CDC73: variants seen among roughly 807,000 people sequenced by gnomAD.
CDC73 encodes cell division cycle 73, also known as parafibromin.
A neutral mutation model predicts 83.7 loss-of-function variants in CDC73; 21 were observed. The observed-to-expected ratio is 0.25, with a 90% CI of 0.18 to 0.36. The LOEUF (loss-of-function observed/expected upper bound fraction) is 0.36, where lower values mean the gene tolerates loss of function less well. Ranked by LOEUF, CDC73 falls within the 10% of genes least tolerant of loss-of-function variation. CDC73 has a pLI of 1.00. For missense variants in CDC73, 342 were observed against 653.3 expected (o/e 0.52, Z 5.19); for synonymous variants, 224 against 212.9 (o/e 1.05, Z -0.45).
At chr1:193,169,996 T>TATC (rs757093249) in intron 10 of CDC73, among the ~76,000 whole-genome samples, 17 of 152,160 alleles carry the variant, frequency 1.1e-4, no homozygotes, top group Non-Finnish European at 2.5e-4. Flanking sequence ...CCCCTCTATG[T>TATC]ATCTGTGTAT....
chr1:193,171,527 T>G (rs952368289), intron 10 of CDC73, among the ~76,000 whole-genome samples: 6 of 152,188 alleles, frequency 3.9e-5, no homozygotes, highest in Non-Finnish European at 8.8e-5. Flanking sequence ...GAGGGCTAGT[T>G]CAACCTTCAG....
intron 10 of CDC73, among the ~76,000 whole-genome samples, chr1:193,189,191 T>G (rs936629096): frequency 2.8e-4 from 43 of 152,268 alleles, no homozygotes; most frequent in African/African-American, 9.6e-4. Flanking sequence ...TGACCTCAGG[T>G]GATCCACCTG....
intron 10 of CDC73, 80 bp from the exon 11 acceptor site, chr1:193,203,715 T>G (rs925556288): frequency 3.6e-6 from 4 of 1,112,150 alleles, no homozygotes; most frequent in Admixed American, 1.7e-5. Flanking sequence ...CAGAGAGATA[T>G]GAGATTTCTT....
intron 10 of CDC73, among the ~76,000 whole-genome samples, chr1:193,177,872 C>T (rs1367118234): frequency 2.0e-5 from 3 of 152,090 alleles, no homozygotes; most frequent in Admixed American, 2.0e-4. Context: ...AATTTCACCA[C>T]TTATATACTT....
At chr1:193,238,618 T>C (rs897898329) in intron 15 of CDC73, among the ~76,000 whole-genome samples, 3 of 152,228 alleles carry the variant, frequency 2.0e-5, no homozygotes, top group African/African-American at 7.2e-5. Flanking sequence ...CATATAACTT[T>C]TGACTTATCC....
intron 13 of CDC73, among the ~76,000 whole-genome samples, chr1:193,212,871 G>GAT (rs978006826): frequency 1.3e-5 from 2 of 152,102 alleles, no homozygotes; most frequent in African/African-American, 4.8e-5. Context: ...ATTTAACCTA[G>GAT]ATAGCAGTGA....
chr1:193,198,672 C>T (rs766001474), intron 10 of CDC73, among the ~76,000 whole-genome samples: 2 of 152,010 alleles, frequency 1.3e-5, no homozygotes, highest in Non-Finnish European at 2.9e-5. Flanking sequence ...AACAAGGGAA[C>T]ATTGGAATTA....
rs975368716 is a variant in CDC73, at chr1:193,207,529, C to G, written c.1030+3677C>G. On this transcript the variant is annotated intron_variant, in intron 11 of 16. Transcript: ENST00000367435. ...AGAGCAGCCCTTTATAGACCTCCCC[C>G]CAGAAATGCATTCCTTCCCCGGGGT... Among the ~76,000 whole-genome samples, 47 of 152,100 alleles carry G rather than the reference C, an allele frequency of 3.1e-4. 1 individual carries two copies. Among genetic ancestry groups the G allele is most frequent in the Admixed American group, 2.9e-3 (45 of 15,274 alleles).
chr1:193,186,585 G>A (rs915993572), intron 10 of CDC73: 10 of 152,242 alleles, frequency 6.6e-5, no homozygotes, highest in African/African-American at 2.2e-4. Flanking sequence ...TTCCTCAGCT[G>A]CTGCACAGGC....
chr1:193,232,780 G>A (rs2102057976), intron 13 of CDC73, among the ~76,000 whole-genome samples: 1 of 152,082 alleles, frequency 6.6e-6, no homozygotes, highest in African/African-American at 2.4e-5. Context: ...GCGGTCACCT[G>A]TAATCTCAGC....
At chr1:193,181,226 C>T (rs984362063) in intron 10 of CDC73, 2 of 1,613,908 alleles carry the variant, frequency 1.2e-6, no homozygotes, top group Non-Finnish European at 1.7e-6. Flanking sequence ...AGTGTATTCT[C>T]CAGGCCTGTA....
chr1:193,170,040 C>T (rs1250060904), intron 10 of CDC73, among the ~76,000 whole-genome samples: 1 of 152,090 alleles, frequency 6.6e-6, no homozygotes, highest in Non-Finnish European at 1.5e-5. Context: ...TACGTGAGAA[C>T]ATGTGGTATT....
chr1:193,169,656 T>G (rs1676488584), intron 10 of CDC73, among the ~76,000 whole-genome samples: 1 of 152,244 alleles, frequency 6.6e-6, no homozygotes. Flanking sequence ...TGCAAGAATA[T>G]TAAATGAAAC....
At chr1:193,192,461 A>G (rs1331497957) in intron 10 of CDC73, among the ~76,000 whole-genome samples, 1 of 152,162 alleles carries the variant, frequency 6.6e-6, no homozygotes, top group African/African-American at 2.4e-5. Flanking sequence ...CAAAACAAGA[A>G]AGCAAGTGTT....
chr1:193,168,396 C>T (rs550796988), intron 10 of CDC73, among the ~76,000 whole-genome samples: 1 of 152,258 alleles, frequency 6.6e-6, no homozygotes, highest in South Asian at 2.1e-4. Context: ...TTTAGTGTTA[C>T]ATGCTTTTTG....
intron 13 of CDC73, among the ~76,000 whole-genome samples, chr1:193,232,476 C>A (rs535736695): frequency 9.9e-5 from 15 of 151,708 alleles, no homozygotes; most frequent in Non-Finnish European, 1.9e-4. Flanking sequence ...ACACACACAC[C>A]CAACTTAGGG....
rs189653401 is a variant in CDC73, at chr1:193,254,686, T to G, written c.*3974T>G. Among the ~76,000 whole-genome samples the G allele has an allele frequency of 6.6e-6, 1 of 152,286 alleles. No individual in the cohort carries two copies. The highest frequency in any genetic ancestry group is 2.4e-5 in the African/African-American group (1 of 41,578). On this transcript the variant is annotated 3_prime_UTR_variant, in exon 17 of 17. Coordinates refer to ENST00000367435, the MANE Select transcript of CDC73 (RefSeq NM_024529.5). ...TTTATGTGTTTTGGGTTTCTGTGTA[T>G]TATTTTAGGTAATCTTTATAAGGGC...
intron 8 of CDC73, among the ~76,000 whole-genome samples, chr1:193,148,862 G>A (rs1473519375): frequency 3.3e-5 from 5 of 151,294 alleles, no homozygotes; most frequent in Admixed American, 1.3e-4. Context: ...AGACCAGGCC[G>A]GTCTTGAACT....
chr1:193,228,250 A>T (rs1453345232), intron 13 of CDC73, among the ~76,000 whole-genome samples: 1 of 152,200 alleles, frequency 6.6e-6, no homozygotes, highest in East Asian at 1.9e-4. Flanking sequence ...TTACTGGCAC[A>T]TGCACAAAAT....
Sources: gnomAD v4.1 joint callset for allele counts (sites outside exome capture counted in the v4.1 genomes callset) on GRCh38, gnomAD v4.1.1 for gene constraint, MANE v1.5 for transcripts, NCBI Gene and HGNC (gene_info 2026-07-23, HGNC 2026-07-21) for gene names.